Variants in MME observed in about 807,000 individuals in gnomAD.
The protein encoded by MME is membrane metalloendopeptidase.
A neutral mutation model predicts 113.2 loss-of-function variants in MME; 98 were observed. That is an observed-to-expected ratio of 0.87 (90% CI 0.74 to 1.02). MME has a LOEUF of 1.02. Among genes scored for constraint, MME ranks in the 50% least tolerant of loss-of-function variants. MME has a pLI of 0.00. For missense variants in MME, 836 were observed against 896.0 expected (o/e 0.93, Z 0.86); for synonymous variants, 292 against 300.6 (o/e 0.97, Z 0.30).
At chr3:155,133,365 G>A (rs867137344) in intron 8 of MME, among the ~76,000 whole-genome samples, 1 of 151,406 alleles carries the variant, frequency 6.6e-6, no homozygotes, top group Non-Finnish European at 1.5e-5. Flanking sequence ...TTAAATACTC[G>A]AGCATCCCAG....
chr3:155,148,717 G>A, intron 16 of MME, 64 bp downstream of exon 16: 1 of 1,231,210 alleles, frequency 8.1e-7, no homozygotes, highest in Non-Finnish European at 1.2e-6. Context: ...TTTCTTTGTT[G>A]GATTAAGTGA....
At chr3:155,084,395 C>T in intron 2 of MME, 68 bp downstream of exon 2, 1 of 1,513,188 alleles carries the variant, frequency 6.6e-7, no homozygotes, top group East Asian at 2.3e-5. Flanking sequence ...CATGCTTTTA[C>T]CATCTATCCA....
At chr3:155,168,860 C>G (rs1387331710) in intron 20 of MME, 63 bp downstream of exon 20, 2 of 1,400,310 alleles carry the variant, frequency 1.4e-6, no homozygotes, top group East Asian at 2.3e-5. Context: ...TTTAATAATT[C>G]ATTTAAAACC....
chr3:155,099,955 A>G (rs1717061816), intron 3 of MME, among the ~76,000 whole-genome samples: 1 of 152,204 alleles, frequency 6.6e-6, no homozygotes, highest in South Asian at 2.1e-4. Flanking sequence ...CTAGTTCAAG[A>G]AAACCGAGGC....
At chr3:155,069,207 T>C in intron 1 of MME, among the ~76,000 whole-genome samples, 1 of 152,002 alleles carries the variant, frequency 6.6e-6, no homozygotes, top group Non-Finnish European at 1.5e-5. Flanking sequence ...AAGGAAGAAA[T>C]TCTAGAAAGA....
At chr3:155,135,844 T>C (rs1720579038) in intron 8 of MME, among the ~76,000 whole-genome samples, 1 of 152,218 alleles carries the variant, frequency 6.6e-6, no homozygotes, top group South Asian at 2.1e-4. Context: ...TAGAAATATT[T>C]CATCTCCTTA....
At chr3:155,059,741 A>C (rs1714073077) in intron 1 of MME, among the ~76,000 whole-genome samples, 1 of 152,194 alleles carries the variant, frequency 6.6e-6, no homozygotes, top group African/African-American at 2.4e-5. Context: ...AGTAGGGTTT[A>C]CTCAAGAAAA....
intron 20 of MME, among the ~76,000 whole-genome samples, chr3:155,169,537 T>C (rs1711676261): frequency 6.6e-6 from 1 of 152,096 alleles, no homozygotes; most frequent in Non-Finnish European, 1.5e-5. Flanking sequence ...GCCATGTGCA[T>C]AAGAAAAAGC....
chr3:155,175,811 T>C (rs1283130426), intron 22 of MME, among the ~76,000 whole-genome samples: 1 of 152,144 alleles, frequency 6.6e-6, no homozygotes, highest in African/African-American at 2.4e-5. Context: ...CATAACTCTG[T>C]AATTTAGCAT....
At chr3:155,034,780 C>G (rs930035707) in intron 1 of MME, among the ~76,000 whole-genome samples, 3 of 152,082 alleles carry the variant, frequency 2.0e-5, no homozygotes, top group Non-Finnish European at 2.9e-5. Flanking sequence ...AACATTTTAC[C>G]CCATGGGTCC....
intron 8 of MME, among the ~76,000 whole-genome samples, chr3:155,135,973 AT>A (rs1720598526): frequency 6.6e-6 from 1 of 152,164 alleles, no homozygotes; most frequent in African/African-American, 2.4e-5. Context: ...TATGCCACCA[AT>A]TTTTATTCAT....
chr3:155,050,532 G>A (rs992992473), intron 1 of MME, among the ~76,000 whole-genome samples: 4 of 152,088 alleles, frequency 2.6e-5, no homozygotes, highest in Non-Finnish European at 2.9e-5. Flanking sequence ...TCTGACTCAC[G>A]TGAGATAGTA....
At chr3:155,080,506 GTAAC>G (rs780952697) in intron 1 of MME, 40 bp downstream of exon 1, 1 of 151,994 alleles carries the variant, frequency 6.6e-6, no homozygotes, top group Non-Finnish European at 1.5e-5. Context: ...TTTCTCATTT[GTAAC>G]TCACTTTTCT....
intron 22 of MME, among the ~76,000 whole-genome samples, chr3:155,173,612 C>T (rs1009366235): frequency 6.6e-6 from 1 of 150,380 alleles, no homozygotes; most frequent in African/African-American, 2.5e-5. Flanking sequence ...TAGTATTTGC[C>T]CTAACATTTC....
chr3:155,030,765 A>G (rs1712944306), intron 1 of MME, among the ~76,000 whole-genome samples: 1 of 152,174 alleles, frequency 6.6e-6, no homozygotes, highest in African/African-American at 2.4e-5. Context: ...TACATGTCAC[A>G]TTTCTGTCTG....
intron 1 of MME, among the ~76,000 whole-genome samples, chr3:155,049,627 A>ATATCTATCTATC (rs56832533): frequency 2.0e-5 from 3 of 147,078 alleles, no homozygotes; most frequent in South Asian, 4.4e-4. Context: ...TCATCTTAGT[A>ATATCTATCTATC]TATCTATCTA....
chr3:155,083,227 A>G (rs966987723), intron 1 of MME, among the ~76,000 whole-genome samples: 5 of 152,214 alleles, frequency 3.3e-5, no homozygotes, highest in Non-Finnish European at 7.3e-5. Context: ...AAGAATATTG[A>G]CGAGTTGTGT....
At chr3:155,115,498 G>T (rs925785783) in intron 4 of MME, among the ~76,000 whole-genome samples, 68 of 152,166 alleles carry the variant, frequency 4.5e-4, no homozygotes, top group African/African-American at 1.5e-3. Context: ...GTGCTATCTC[G>T]GCTCACTGCA....
intron 16 of MME, among the ~76,000 whole-genome samples, chr3:155,153,281 C>T (rs1722076595): frequency 6.6e-6 from 1 of 152,066 alleles, no homozygotes; most frequent in South Asian, 2.1e-4. Context: ...CCCACCTTGG[C>T]CTTCTAAAGC....
Sources: gnomAD v4.1 joint callset for allele counts (sites outside exome capture counted in the v4.1 genomes callset) on GRCh38, gnomAD v4.1.1 for gene constraint, MANE v1.5 for transcripts, NCBI Gene and HGNC (gene_info 2026-07-23, HGNC 2026-07-21) for gene names.